CNOT4: variants seen among roughly 807,000 people sequenced by gnomAD.
The protein encoded by CNOT4 is CCR4-associated factor 4.
A neutral mutation model predicts 73.8 loss-of-function variants in CNOT4; 8 were observed. That is an observed-to-expected ratio of 0.11 (90% confidence interval 0.06 to 0.20). The LOEUF (loss-of-function observed/expected upper bound fraction) is 0.20, where lower values mean the gene tolerates loss of function less well. CNOT4 is among the 10% of genes least tolerant of loss of function. CNOT4 has a pLI of 1.00. For synonymous variants in CNOT4, 293 were observed against 321.1 expected, an observed-to-expected ratio of 0.91 and a Z score of 0.94; for missense variants, 564 against 883.4, an observed-to-expected ratio of 0.64 and a Z score of 4.58.
At chr7:135,482,112 T>A (rs978673527) in intron 1 of CNOT4, among the ~76,000 whole-genome samples, 1 of 152,172 alleles carries the variant, frequency 6.6e-6, no homozygotes, top group Admixed American at 6.6e-5. Flanking sequence ...ACACAAATAA[T>A]AAATATTAAA....
intron 1 of CNOT4, among the ~76,000 whole-genome samples, chr7:135,443,512 A>G (rs1030270201): frequency 6.6e-6 from 1 of 152,178 alleles, no homozygotes; most frequent in Non-Finnish European, 1.5e-5. Context: ...CCTTTCCAAC[A>G]TGGTAAGACA....
chr7:135,436,817 T>C (rs1021824162), intron 2 of CNOT4, among the ~76,000 whole-genome samples: 4 of 152,040 alleles, frequency 2.6e-5, no homozygotes, highest in African/African-American at 4.8e-5. Flanking sequence ...TTCTGAGATT[T>C]ATTATAAATT....
intron 1 of CNOT4, among the ~76,000 whole-genome samples, chr7:135,463,628 G>A (rs1315411592): frequency 6.7e-6 from 1 of 149,548 alleles, no homozygotes; most frequent in African/African-American, 2.5e-5. Context: ...AACCGGCAAA[G>A]ATTTCATGAC....
chr7:135,464,091 T>C, intron 1 of CNOT4, among the ~76,000 whole-genome samples: 1 of 150,662 alleles, frequency 6.6e-6, no homozygotes, highest in Non-Finnish European at 1.5e-5. Flanking sequence ...TTGCTGGTGG[T>C]AATGTAAATT....
chr7:135,485,361 C>G (rs140182825), intron 1 of CNOT4, among the ~76,000 whole-genome samples: 3 of 152,180 alleles, frequency 2.0e-5, no homozygotes, highest in African/African-American at 7.2e-5. Context: ...TGAGCCACCA[C>G]AGCTGGCGGT....
At chr7:135,427,326 CT>C (rs34156131) in intron 2 of CNOT4, among the ~76,000 whole-genome samples, 33,079 of 150,678 alleles carry the variant, frequency 0.22, 4,174 homozygotes, top group East Asian at 0.52. Flanking sequence ...TATTGAAAAA[CT>C]TTTTTTTTTC....
intron 2 of CNOT4, among the ~76,000 whole-genome samples, chr7:135,423,117 C>G (rs1174862455): frequency 6.6e-6 from 1 of 152,044 alleles, no homozygotes; most frequent in Non-Finnish European, 1.5e-5. Context: ...TATAAGTATT[C>G]AAAAGTCAAT....
intron 10 of CNOT4, among the ~76,000 whole-genome samples, chr7:135,378,690 G>T (rs1795662597): frequency 6.6e-6 from 1 of 150,788 alleles, no homozygotes; most frequent in Non-Finnish European, 1.5e-5. Flanking sequence ...TCTCTCCTTT[G>T]AAGAGGGAAA....
chr7:135,480,888 C>CAAAAAAA (rs202103531), intron 1 of CNOT4, among the ~76,000 whole-genome samples: 1 of 75,804 alleles, frequency 1.3e-5, no homozygotes, highest in Non-Finnish European at 2.7e-5. Context: ...TATCTATATG[C>CAAAAAAA]AAAAAAAAAA....
rs561851335 is a variant in CNOT4 at position 135,382,735 on chromosome 7, A to G, written c.1627+11183T>C. On this transcript the variant is annotated intron_variant, in intron 10 of 11. Coordinates refer to ENST00000541284, the MANE Select transcript of CNOT4 (RefSeq NM_001190850.2). Reference sequence around the variant, plus strand: ...TCTCTAAACAATATAACAACTATTTACATAGCACTTACATTGTAATAGGTA... The same window carrying G: ...TCTCTAAACAATATAACAACTATTTGCATAGCACTTACATTGTAATAGGTA... Among the ~76,000 whole-genome samples, 3 of 152,362 alleles carry G rather than the reference A, an allele frequency of 2.0e-5. No individual in the cohort carries two copies. The East Asian group carries it at 5.8e-4, about 29-fold the overall frequency.
chr7:135,449,169 A>G lies in CNOT4; in HGVS notation c.-92-10746T>C, dbSNP rs1800014912. ...GGTCATATAAATTTCAACAAAGGAA[A>G]CTATATTTTAGGGATGCACATAAAG... On this transcript the variant is annotated intron_variant, in intron 1 of 11. Transcript: ENST00000541284. 1.3e-5 allele frequency among the ~76,000 whole-genome samples: 2 copies of G among 152,178 alleles called. 1 individual carries two copies. Among genetic ancestry groups the G allele is most frequent in the Admixed American group, 1.3e-4 (2 of 15,278 alleles).
chr7:135,469,314 A>C (rs887053155), intron 1 of CNOT4, among the ~76,000 whole-genome samples: 1 of 152,322 alleles, frequency 6.6e-6, no homozygotes, highest in Admixed American at 6.5e-5. Flanking sequence ...AGACATATTT[A>C]GTATTTAAAT....
At chr7:135,444,816 A>G in intron 1 of CNOT4, 1 of 1,605,854 alleles carries the variant, frequency 6.2e-7, no homozygotes, top group Non-Finnish European at 8.5e-7. Context: ...TGCCTCGCAG[A>G]AAGCTGCCAA....
chr7:135,505,535 G>C (rs1254866860), intron 1 of CNOT4, among the ~76,000 whole-genome samples: 2 of 152,124 alleles, frequency 1.3e-5, no homozygotes, highest in East Asian at 3.9e-4. Flanking sequence ...CTGGGTGACA[G>C]AGCGAGACTC....
chr7:135,426,299 T>C (rs1448190719), intron 2 of CNOT4, among the ~76,000 whole-genome samples: 1 of 150,688 alleles, frequency 6.6e-6, no homozygotes, highest in Non-Finnish European at 1.5e-5. Flanking sequence ...GCACTAAAAA[T>C]GGATATAAAG....
At chr7:135,436,311 A>T (rs1404033670) in intron 2 of CNOT4, among the ~76,000 whole-genome samples, 1 of 151,778 alleles carries the variant, frequency 6.6e-6, no homozygotes, top group East Asian at 1.9e-4. Flanking sequence ...ATGACAATTT[A>T]ATAACTGGTC....
In CNOT4 at chr7:135,364,057, C is replaced by G. The variant is rs1224899804; in HGVS notation, c.1637G>C (p.Ser546Thr). The change falls in exon 11 of 12, where the codon AGT (serine) becomes ACT (threonine). Residue 546 changes from serine (S) to threonine (T), a missense_variant. Coordinates refer to ENST00000541284, the MANE Select transcript of CNOT4 (RefSeq NM_001190850.2). This position sits in a 1 kb window ranked among gnomAD's most constrained non-coding sequence, Gnocchi z 4.3. Reference protein sequence around the residue: ...LGGIPVADNSSSVESLNMKEW... With the variant: ...LGGIPVADNSTSVESLNMKEW... The stretch of plus-strand genomic sequence containing the variant: ...CTTCATATTTAAACTCTCTACAGAA[C>G]TGCTGTTGTCTGGGAGATTTACCAA... 6.3e-7 allele frequency: 1 copy of G among 1,580,554 alleles called. No homozygotes were observed. The highest frequency in any genetic ancestry group is 2.2e-5 in the East Asian group (1 of 44,500).
At chr7:135,481,619 T>C (rs761378455) in intron 1 of CNOT4, among the ~76,000 whole-genome samples, 2 of 152,204 alleles carry the variant, frequency 1.3e-5, no homozygotes, top group Non-Finnish European at 2.9e-5. Flanking sequence ...AAAGAATCAG[T>C]GTATCAAAGG....
intron 2 of CNOT4, among the ~76,000 whole-genome samples, chr7:135,424,527 G>GT (rs1798383002): frequency 6.6e-6 from 1 of 152,174 alleles, no homozygotes; most frequent in South Asian, 2.1e-4. Flanking sequence ...GCTCACGCCT[G>GT]TAATTCCAGC....
Sources: allele counts gnomAD v4.1 joint callset (sites outside exome capture counted in the v4.1 genomes callset), GRCh38; gene constraint gnomAD v4.1.1; non-coding constraint Gnocchi (gnomAD v3.1); transcripts MANE v1.5; gene names NCBI Gene and HGNC (gene_info 2026-07-23, HGNC 2026-07-21).